The following EXD3 variants were observed in gnomAD, a reference collection of about 807,000 sequenced individuals.
EXD3 encodes exonuclease 3'-5' domain containing 3.
EXD3 carries 92 observed loss-of-function variants against 98.0 expected under a neutral mutation model. The ratio of observed to expected loss-of-function variants is 0.94; its 90% confidence interval spans 0.79 to 1.12. EXD3 has a LOEUF of 1.12. Ranked by LOEUF, EXD3 falls within the 50% of genes most tolerant of loss-of-function variation. The pLI, the probability that EXD3 is intolerant of heterozygous loss-of-function variation, is 0.00. For synonymous variants in EXD3, 569 were observed against 526.0 expected, an observed-to-expected ratio of 1.08 and a Z score of -1.12; for missense variants, 1,222 against 1,191.6, an observed-to-expected ratio of 1.03 and a Z score of -0.38.
chr9:137,355,563 G>GGAGGAA (rs1564508527), intron 8 of EXD3, among the ~76,000 whole-genome samples: 16 of 4,066 alleles, frequency 3.9e-3, no homozygotes, highest in Non-Finnish European at 4.3e-3. Context: ...GAAGGAGGAA[G>GGAGGAA]GGAGGATGGA....
intron 1 of EXD3, among the ~76,000 whole-genome samples, chr9:137,398,795 TCCCCGTGACACACAGGCACCC>T (rs1450671223): frequency 1.0e-4 from 13 of 129,130 alleles, no homozygotes; most frequent in African/African-American, 4.0e-4. Flanking sequence ...GGCACCCGCG[TCCCCGTGACACACAGGCACCC>T]GCGTCCCCGT....
intron 17 of EXD3, among the ~76,000 whole-genome samples, chr9:137,327,721 C>T (rs796321339): frequency 1.3e-4 from 3 of 23,786 alleles, no homozygotes; most frequent in African/African-American, 4.2e-4. Context: ...GTAAAAACAA[C>T]AAATATACAC....
intron 2 of EXD3, among the ~76,000 whole-genome samples, chr9:137,387,391 G>C (rs1836658044): frequency 6.6e-6 from 1 of 152,348 alleles, no homozygotes; most frequent in African/African-American, 2.4e-5. Context: ...TCTCGGGCCA[G>C]AGCTGGAGGG....
Position 137,324,126 on chromosome 9 carries a change from C to A in EXD3, c.2016G>T (p.Gly672=). The part of the protein sequence containing the change: ...RRAAEVARQE[G]RIILTSGQPF... ...GCTGCCCCGACGTCAGAATGATCCT[C>A]CCCTCCTGCCTGGCAACCTGTGTGG... Residue 672 remains glycine, a synonymous_variant, in exon 18 of 22, where the codon GGG becomes GGT. Coordinates refer to ENST00000340951, the MANE Select transcript of EXD3 (RefSeq NM_017820.5). The surrounding 1 kb of genome is among the most constrained non-coding windows in gnomAD (Gnocchi z 4.1). The A allele has an allele frequency of 6.3e-7, 1 of 1,585,066 alleles. No homozygotes were observed. Among genetic ancestry groups the A allele is most frequent in the East Asian group, 2.3e-5 (1 of 43,342 alleles).
intron 20 of EXD3, 136 bp from the exon 21 acceptor site, chr9:137,307,782 T>C: frequency 1.0e-6 from 1 of 967,402 alleles, no homozygotes; most frequent in South Asian, 1.6e-5. Flanking sequence ...CCCCCCAGCC[T>C]TCGCAGACGG....
intron 2 of EXD3, among the ~76,000 whole-genome samples, chr9:137,388,822 G>C (rs976348413): frequency 1.3e-5 from 2 of 152,208 alleles, no homozygotes; most frequent in African/African-American, 4.8e-5. Flanking sequence ...GCGGCAGTGA[G>C]TGTAGAAGAG....
intron 8 of EXD3, among the ~76,000 whole-genome samples, 162 bp downstream of exon 8, chr9:137,356,106 C>A (rs1351473907): frequency 3.9e-5 from 6 of 152,214 alleles, no homozygotes; most frequent in Non-Finnish European, 8.8e-5. Flanking sequence ...ACCTCACAGC[C>A]ACTCTGGCAC....
chr9:137,382,044 G>C (rs1329118003), intron 3 of EXD3, among the ~76,000 whole-genome samples: 5 of 147,210 alleles, frequency 3.4e-5, no homozygotes, highest in African/African-American at 7.7e-5. Context: ...GCGCGGGGAG[G>C]AGGTGAGGGC....
intron 18 of EXD3, 40 bp from the exon 19 acceptor site, chr9:137,323,896 G>A: frequency 2.5e-6 from 4 of 1,574,320 alleles, no homozygotes; most frequent in Non-Finnish European, 2.6e-6. Flanking sequence ...GCAGTGCAGA[G>A]CCCAGCACCT....
At chr9:137,358,475 G>A (rs1834901049) in intron 7 of EXD3, among the ~76,000 whole-genome samples, 1 of 152,126 alleles carries the variant, frequency 6.6e-6, no homozygotes, top group South Asian at 2.1e-4. Context: ...GCCTCCCGGG[G>A]GCTCCGAAGC....
chr9:137,410,171 G>A (rs931797837), intron 1 of EXD3, among the ~76,000 whole-genome samples: 3 of 151,854 alleles, frequency 2.0e-5, no homozygotes, highest in African/African-American at 4.8e-5. Flanking sequence ...GCTAAACTCC[G>A]TCTCAAAAAA....
chr9:137,330,639 A>T lies in EXD3; in HGVS notation c.1999-6496T>A, dbSNP rs1374163112. On this transcript the variant is annotated intron_variant, in intron 17 of 21. Transcript: ENST00000340951. ...CTACACAGGAACTACACAGGACTAC[A>T]CAGGAGCTACACAGGACTGATGGAC... Among the ~76,000 whole-genome samples the T allele has an allele frequency of 3.3e-5, 5 of 150,398 alleles. 1 individual carries two copies. In the East Asian group the frequency reaches 7.9e-4, roughly 24 times the overall value.
intron 8 of EXD3, among the ~76,000 whole-genome samples, chr9:137,355,498 AAGG>A (rs1834628357): frequency 1.1e-5 from 1 of 94,226 alleles, no homozygotes; most frequent in Non-Finnish European, 2.2e-5. Flanking sequence ...AGGATGGAGG[AAGG>A]AGGAAGGAGG....
At chr9:137,330,425 G>GCTACACAGGA (rs1160856144) in intron 17 of EXD3, among the ~76,000 whole-genome samples, 1 of 115,242 alleles carries the variant, frequency 8.7e-6, no homozygotes, top group Non-Finnish European at 1.7e-5. Flanking sequence ...CTACACAGGA[G>GCTACACAGGA]CTACACAGGA....
rs771735705 is a variant in EXD3 at position 137,352,166 on chromosome 9, T to A, written c.1073A>T (p.Asp358Val). The part of the protein sequence containing the change: ...TEADSRLEVK[D>V]MKDRYYQLPI... ...CAGCTGGTAGTAACGGTCCTTCATG[T>A]CCTTCACCTCCAGCCTCGAGTCAGC... Residue 358 changes from aspartate to valine, a missense_variant, in exon 12 of 22, where the codon GAC becomes GTC. Asp to Val is a radical substitution (Grantham distance 152). Coordinates refer to ENST00000340951, the MANE Select transcript of EXD3 (RefSeq NM_017820.5). The A allele has an allele frequency of 2.7e-5, 44 of 1,612,722 alleles. 1 individual carries two copies. In the South Asian group the frequency reaches 4.4e-4, roughly 16 times the overall value.
intron 5 of EXD3, 47 bp from the exon 6 acceptor site, chr9:137,368,036 AG>A: frequency 6.5e-7 from 1 of 1,541,228 alleles, no homozygotes; most frequent in Non-Finnish European, 8.8e-7. Context: ...GGGAGGGGCC[AG>A]GCAGCACGGC....
chr9:137,307,710 G>C (rs1310556650), intron 20 of EXD3, 64 bp from the exon 21 acceptor site: 1 of 1,576,950 alleles, frequency 6.3e-7, no homozygotes, highest in Non-Finnish European at 8.6e-7. Context: ...CAGCCAGCGG[G>C]GTCCATGACG....
At chr9:137,400,365 A>G (rs1375040735) in intron 1 of EXD3, among the ~76,000 whole-genome samples, 4 of 152,234 alleles carry the variant, frequency 2.6e-5, no homozygotes, top group African/African-American at 9.6e-5. Context: ...TCCACAGTCC[A>G]AAGTCTGATC....
At chr9:137,316,529 G>T (rs1266054070) in intron 19 of EXD3, among the ~76,000 whole-genome samples, 1 of 152,216 alleles carries the variant, frequency 6.6e-6, no homozygotes, top group Non-Finnish European at 1.5e-5. Flanking sequence ...GCCCCAAGCG[G>T]CCCTGGGCCG....
Sources: allele counts gnomAD v4.1 joint callset (sites outside exome capture counted in the v4.1 genomes callset), GRCh38; gene constraint gnomAD v4.1.1; non-coding constraint Gnocchi (gnomAD v3.1); transcripts MANE v1.5; gene names NCBI Gene and HGNC (gene_info 2026-07-23, HGNC 2026-07-21).